Variants in TRAPPC8 observed in about 807,000 individuals in gnomAD.
The protein encoded by TRAPPC8 is trafficking protein particle complex subunit 8.
TRAPPC8 carries 54 observed loss-of-function variants against 174.3 expected under a neutral mutation model. The ratio of observed to expected loss-of-function variants is 0.31; its 90% CI spans 0.25 to 0.39. TRAPPC8 has a LOEUF of 0.39. TRAPPC8 is among the 10% of genes least tolerant of loss of function. The pLI is 1.00. For missense variants in TRAPPC8, 1,531 were observed against 1,699.1 expected (o/e 0.90, Z 1.74); for synonymous variants, 630 against 579.9 (o/e 1.09, Z -1.24).
rs1379182479 is a variant in TRAPPC8 at position 31,912,763 on chromosome 18, C to CA, written c.771+605dup. ...TTCATAATGAATTAAACAGACAAGT[C>CA]AGAAATTCCATTCTGCACGTCTAGC... On this transcript the variant is annotated intron_variant, in intron 5 of 28. Transcript: ENST00000283351. Among the ~76,000 whole-genome samples the CA allele has an allele frequency of 4.5e-4, 69 of 152,174 alleles. 1 individual carries two copies. Among genetic ancestry groups the CA allele is most frequent in the Admixed American group, 4.5e-3 (69 of 15,258 alleles).
chr18:31,925,518 C>T (rs1055203035), intron 2 of TRAPPC8, among the ~76,000 whole-genome samples: 3 of 152,048 alleles, frequency 2.0e-5, no homozygotes, highest in Non-Finnish European at 4.4e-5. Context: ...AGAGGATCAA[C>T]TCAGGAAGTT....
intron 12 of TRAPPC8, among the ~76,000 whole-genome samples, chr18:31,881,016 A>C (rs2035423996): frequency 6.6e-6 from 1 of 152,086 alleles, no homozygotes; most frequent in African/African-American, 2.4e-5. Flanking sequence ...AACAAAAAAA[A>C]CCCACGCTCA....
intron 1 of TRAPPC8, among the ~76,000 whole-genome samples, chr18:31,935,509 T>C (rs1038184852): frequency 1.2e-3 from 147 of 118,586 alleles, no homozygotes; most frequent in African/African-American, 4.6e-3. Flanking sequence ...GATCGTGCCA[T>C]TGCACTCCAG....
At chr18:31,931,631 A>C (rs2037849848) in intron 1 of TRAPPC8, 108 bp from the exon 2 acceptor site, 1 of 754,174 alleles carries the variant, frequency 1.3e-6, no homozygotes, top group East Asian at 2.9e-5. Context: ...AGCAGAAGCC[A>C]GCAATTCCAA....
chr18:31,886,139 G>A (rs1267028533), intron 12 of TRAPPC8, among the ~76,000 whole-genome samples: 3 of 151,326 alleles, frequency 2.0e-5, no homozygotes, highest in Non-Finnish European at 2.9e-5. Flanking sequence ...CCGAGTAGCT[G>A]GGATTACAGG....
At chr18:31,838,250 T>C (rs765525819) in intron 27 of TRAPPC8, among the ~76,000 whole-genome samples, 3 of 152,198 alleles carry the variant, frequency 2.0e-5, no homozygotes, top group Non-Finnish European at 4.4e-5. Flanking sequence ...ATCCTAAAAT[T>C]TCACTTTTTT....
Position 31,846,827 on chromosome 18 carries a change from G to C in TRAPPC8, c.3736-10C>G. 2 of 1,603,614 alleles carry C rather than the reference G, an allele frequency of 1.2e-6. No homozygotes were observed. The highest frequency in any genetic ancestry group is 1.7e-6 in the Non-Finnish European group (2 of 1,172,874). ...CTTCCACAACGTATGCCTAAAAAAT[G>C]CAAAGTACAAAAACGTTACCGTGCT... On this transcript the variant is annotated splice_polypyrimidine_tract_variant and intron_variant, in intron 25 of 28. Coordinates refer to ENST00000283351, the MANE Select transcript of TRAPPC8 (RefSeq NM_014939.5).
intron 2 of TRAPPC8, among the ~76,000 whole-genome samples, chr18:31,924,992 G>C (rs1182427089): frequency 3.3e-5 from 5 of 151,980 alleles, no homozygotes; most frequent in African/African-American, 1.2e-4. Flanking sequence ...GCAGATTTCA[G>C]AATCCTTCTC....
At chr18:31,848,783 T>C (rs944294935) in intron 25 of TRAPPC8, among the ~76,000 whole-genome samples, 10 of 152,294 alleles carry the variant, frequency 6.6e-5, no homozygotes, top group African/African-American at 2.4e-4. Flanking sequence ...TTAATTTTAC[T>C]GCAGAATAAT....
intron 2 of TRAPPC8, among the ~76,000 whole-genome samples, chr18:31,918,271 G>C (rs964909394): frequency 6.6e-6 from 1 of 151,904 alleles, no homozygotes; most frequent in African/African-American, 2.4e-5. Context: ...CCCAAACCTA[G>C]TGTTCCCACA....
chr18:31,836,403 C>A (rs2032722300), intron 27 of TRAPPC8, among the ~76,000 whole-genome samples: 1 of 152,138 alleles, frequency 6.6e-6, no homozygotes, highest in Non-Finnish European at 1.5e-5. Context: ...GGTTTTTTAA[C>A]CCCTAAGTAG....
intron 1 of TRAPPC8, among the ~76,000 whole-genome samples, chr18:31,934,683 C>T (rs1283383496): frequency 2.6e-5 from 4 of 152,098 alleles, no homozygotes; most frequent in South Asian, 2.1e-4. Flanking sequence ...GCCTGGCCAA[C>T]GTGGTGAAAC....
At chr18:31,838,138 A>C (rs887835145) in intron 27 of TRAPPC8, among the ~76,000 whole-genome samples, 9 of 152,116 alleles carry the variant, frequency 5.9e-5, no homozygotes, top group African/African-American at 2.2e-4. Context: ...CCCGGCTCTA[A>C]GTTACTTTTT....
At chr18:31,914,098 C>T (rs981526782) in intron 4 of TRAPPC8, among the ~76,000 whole-genome samples, 1 of 143,744 alleles carries the variant, frequency 7.0e-6, no homozygotes, top group Admixed American at 7.2e-5. Context: ...AGGCACTGCA[C>T]TCTAGCCTAG....
At chr18:31,833,588 T>C (rs1369877336) in intron 27 of TRAPPC8, among the ~76,000 whole-genome samples, 1 of 152,166 alleles carries the variant, frequency 6.6e-6, no homozygotes, top group Non-Finnish European at 1.5e-5. Flanking sequence ...TGCAATCTAT[T>C]CTTTAACCAT....
At position 31,864,531 on chromosome 18, in the gene TRAPPC8, T is replaced by G. The variant is rs2034494134; in HGVS notation, c.2745+96A>C. ...ATAATAATTTAAAAGTATAGTTCAA[T>G]GTAATATCAAAAACCTCAGAGCCTA... On this transcript the variant is annotated intron_variant, in intron 19 of 28. Transcript: ENST00000283351. 7.7e-6 allele frequency: 9 copies of G among 1,162,074 alleles called. No individual in the cohort carries two copies. The South Asian group carries it at 1.3e-4, about 17-fold the overall frequency. 72.0% of individuals were successfully genotyped at this position (1,162,074 alleles called of 1,614,324 possible).
At chr18:31,896,069 C>T (rs2036171305) in intron 11 of TRAPPC8, 3 of 152,152 alleles carry the variant, frequency 2.0e-5, no homozygotes, top group African/African-American at 7.2e-5. Context: ...GAAGCTTAAA[C>T]ATAATTTCCA....
At chr18:31,924,925 T>C (rs1041329884) in intron 2 of TRAPPC8, among the ~76,000 whole-genome samples, 4 of 151,902 alleles carry the variant, frequency 2.6e-5, no homozygotes, top group Non-Finnish European at 5.9e-5. Context: ...TATGTTCCTA[T>C]AAATGATCTG....
At position 31,908,422 on chromosome 18, in the gene TRAPPC8, T is replaced by TA; in HGVS notation, c.1123-5dup. The TA allele has an allele frequency of 6.6e-7, 1 of 1,526,636 alleles. No homozygotes were observed. The allele number at this position is 1,526,636 out of a possible 1,614,324, so 94.6% of individuals were successfully genotyped here. A position where few individuals can be genotyped will look rare whatever the true frequency, so the allele number is the denominator to read the frequency against. ...TCAAACCTTTTCTTGATATTAGCTT[T>TA]AAAAAAGAGATTAAATATGTTGACA... is the stretch of plus-strand genomic sequence containing the variant. On this transcript the variant is annotated splice_polypyrimidine_tract_variant and splice_region_variant and intron_variant, in intron 7 of 28. Coordinates refer to ENST00000283351, the MANE Select transcript of TRAPPC8 (RefSeq NM_014939.5).
Sources: gnomAD v4.1 joint callset for allele counts (sites outside exome capture counted in the v4.1 genomes callset) on GRCh38, gnomAD v4.1.1 for gene constraint, MANE v1.5 for transcripts, NCBI Gene and HGNC (gene_info 2026-07-23, HGNC 2026-07-21) for gene names.